FSAF1: variants seen among roughly 807,000 people sequenced by gnomAD.
FSAF1 encodes 40S small subunit processome assembly factor 1.
the FSAF1 span, chr1:231,227,153 G>C: frequency 7.3e-7 from 1 of 1,366,062 alleles, no homozygotes; most frequent in Non-Finnish European, 1.0e-6. Flanking sequence ...ATGCATTTCA[G>C]ATCCACCGCT....
At chr1:231,237,022 T>C in the FSAF1 span, 1 of 149,458 alleles carries the variant, frequency 6.7e-6, no homozygotes, top group African/African-American at 2.5e-5. Context: ...GGAGAAAGGG[T>C]CTCGCTCTGT....
At chr1:231,233,840 C>A in the FSAF1 span, among the ~76,000 whole-genome samples, 1 of 152,184 alleles carries the variant, frequency 6.6e-6, no homozygotes, top group African/African-American at 2.4e-5. Flanking sequence ...CATGAGTCAC[C>A]GTGCCCAGCC....
At chr1:231,231,882 G>A in the FSAF1 span, among the ~76,000 whole-genome samples, 1 of 152,174 alleles carries the variant, frequency 6.6e-6, no homozygotes, top group South Asian at 2.1e-4. Flanking sequence ...AAGGGGAGGA[G>A]AGAGTCCCTT....
At chr1:231,225,546 T>C in the FSAF1 span, 14 of 1,597,100 alleles carry the variant, frequency 8.8e-6, no homozygotes, top group African/African-American at 8.1e-5. Flanking sequence ...TTTAAGATCA[T>C]ATACATATTA....
At chr1:231,238,917 C>T in the FSAF1 span, 1 of 1,614,022 alleles carries the variant, frequency 6.2e-7, no homozygotes, top group Non-Finnish European at 8.5e-7. Context: ...GAAATTCTAC[C>T]ACTTCTACTT....
the FSAF1 span, among the ~76,000 whole-genome samples, chr1:231,233,725 G>A: frequency 6.6e-6 from 1 of 152,034 alleles, no homozygotes; most frequent in Non-Finnish European, 1.5e-5. Context: ...GCTAATTTTT[G>A]TATTTTTAGT....
the FSAF1 span, among the ~76,000 whole-genome samples, chr1:231,230,391 A>G: frequency 4.6e-5 from 7 of 152,198 alleles, no homozygotes; most frequent in African/African-American, 1.7e-4. Flanking sequence ...TGGGCTAAAC[A>G]GTTCTTTCAG....
the FSAF1 span, chr1:231,227,180 C>T: frequency 9.3e-7 from 1 of 1,080,644 alleles, no homozygotes; most frequent in Non-Finnish European, 1.4e-6. Context: ...TGACAGCGTA[C>T]AGGAATAATA....
At chr1:231,231,549 G>C in the FSAF1 span, among the ~76,000 whole-genome samples, 1 of 152,144 alleles carries the variant, frequency 6.6e-6, no homozygotes, top group Non-Finnish European at 1.5e-5. Context: ...CGCCAGGCTG[G>C]AGTGCAGTGG....
chr1:231,229,049 A>G, the FSAF1 span: 1 of 709,172 alleles, frequency 1.4e-6, no homozygotes, highest in Non-Finnish European at 2.3e-6. Flanking sequence ...TTTGCATGTT[A>G]TGTTATAAAC....
the FSAF1 span, among the ~76,000 whole-genome samples, chr1:231,231,187 A>G: frequency 6.6e-6 from 1 of 152,226 alleles, no homozygotes. Context: ...GACCACAGGC[A>G]TAGCACGGAG....
chr1:231,227,584 G>A, the FSAF1 span, among the ~76,000 whole-genome samples: 6 of 120,172 alleles, frequency 5.0e-5, no homozygotes, highest in African/African-American at 1.9e-4. Context: ...TCTCGCCCAC[G>A]GTTTTTTTTT....
the FSAF1 span, chr1:231,229,030 ACTACATAGTTTGCATGTTATGTTATAAAC>A: frequency 1.6e-6 from 1 of 617,656 alleles, no homozygotes; most frequent in East Asian, 3.1e-5. Flanking sequence ...TAACATCTAT[ACTACATAGTTTGCATGTTATGTTATAAAC>A]TTATAATAAA....
the FSAF1 span, chr1:231,225,643 G>T: frequency 1.1e-6 from 1 of 887,362 alleles, no homozygotes; most frequent in Non-Finnish European, 1.8e-6. Flanking sequence ...CTTTCAAGTG[G>T]GCATATTAAA....
the FSAF1 span, chr1:231,239,201 A>T: frequency 6.5e-7 from 1 of 1,530,032 alleles, no homozygotes; most frequent in Non-Finnish European, 8.8e-7. Context: ...GTTTGTTCAA[A>T]CACAAGAAGG....
chr1:231,240,325 C>T, the FSAF1 span, among the ~76,000 whole-genome samples: 4 of 152,134 alleles, frequency 2.6e-5, no homozygotes, highest in Non-Finnish European at 5.9e-5. This position sits in a 1 kb window ranked among gnomAD's most constrained non-coding sequence, Gnocchi z 4.1. Flanking sequence ...TAAAATATCA[C>T]GCTGTAAATT....
At chr1:231,225,241 C>T in the FSAF1 span, 1 of 571,376 alleles carries the variant, frequency 1.8e-6, no homozygotes, top group Non-Finnish European at 3.1e-6. Flanking sequence ...CCACTAGTCA[C>T]TTAGAGTGTC....
chr1:231,239,724 C>A, the FSAF1 span, among the ~76,000 whole-genome samples: 2 of 152,214 alleles, frequency 1.3e-5, no homozygotes, highest in African/African-American at 4.8e-5. Flanking sequence ...GAATCCTAGG[C>A]ATCCTTACTC....
At chr1:231,230,823 G>A in the FSAF1 span, among the ~76,000 whole-genome samples, 1 of 152,292 alleles carries the variant, frequency 6.6e-6, no homozygotes, top group East Asian at 1.9e-4. Flanking sequence ...TTCACAGGGG[G>A]GTTATTACGA....
Sources: allele counts gnomAD v4.1 joint callset (sites outside exome capture counted in the v4.1 genomes callset), GRCh38; gene constraint gnomAD v4.1.1; non-coding constraint Gnocchi (gnomAD v3.1); transcripts MANE v1.5; gene names NCBI Gene and HGNC (gene_info 2026-07-23, HGNC 2026-07-21).